RBM47: variants seen among roughly 807,000 people sequenced by gnomAD.
RBM47 encodes RNA-binding protein 47.
RBM47 carries 21 observed loss-of-function variants against 47.1 expected under a neutral mutation model. That is an observed-to-expected ratio of 0.45 (90% CI 0.32 to 0.64). The LOEUF (loss-of-function observed/expected upper bound fraction) is 0.64. Among genes scored for constraint, RBM47 ranks in the 30% least tolerant of loss-of-function variants. The probability of loss-of-function intolerance (pLI) is 0.05; values close to 1 mark genes in which losing one functional copy is unlikely to be tolerated. For synonymous variants in RBM47, 375 were observed against 361.7 expected (o/e 1.04, Z -0.42); for missense variants, 708 against 870.9 (o/e 0.81, Z 2.35).
intron 2 of RBM47, among the ~76,000 whole-genome samples, chr4:40,478,054 T>C (rs1289998654): frequency 6.7e-6 from 1 of 149,408 alleles, no homozygotes; most frequent in African/African-American, 2.5e-5. Flanking sequence ...TTGCTCTTAT[T>C]ACCCAGGCTG....
At chr4:40,534,860 G>A (rs934440002) in intron 2 of RBM47, among the ~76,000 whole-genome samples, 12 of 151,788 alleles carry the variant, frequency 7.9e-5, no homozygotes, top group East Asian at 3.9e-4. Flanking sequence ...GCGTGAACCC[G>A]GGAGGCGGAG....
At chr4:40,578,225 T>TA (rs1459706032) in intron 1 of RBM47, among the ~76,000 whole-genome samples, 1 of 152,232 alleles carries the variant, frequency 6.6e-6, no homozygotes, top group Non-Finnish European at 1.5e-5. Context: ...CTTTAATCCT[T>TA]AAAGTAATCT....
chr4:40,588,959 A>G (rs1344149998), intron 1 of RBM47, among the ~76,000 whole-genome samples: 1 of 150,766 alleles, frequency 6.6e-6, no homozygotes, highest in Non-Finnish European at 1.5e-5. Flanking sequence ...GTTTTAGGGG[A>G]AAGAGGTTAG....
At chr4:40,428,954 C>T (rs766136732) in intron 6 of RBM47, among the ~76,000 whole-genome samples, 1 of 152,066 alleles carries the variant, frequency 6.6e-6, no homozygotes, top group East Asian at 1.9e-4. Context: ...TTCAGTTACC[C>T]GCGGTCAACT....
At chr4:40,446,782 A>T (rs1234093263) in intron 3 of RBM47, among the ~76,000 whole-genome samples, 2 of 149,184 alleles carry the variant, frequency 1.3e-5, no homozygotes, top group Non-Finnish European at 3.0e-5. Context: ...AATAAAACTT[A>T]AAAAAAAAAT....
chr4:40,530,854 C>T (rs1386890358), intron 2 of RBM47, among the ~76,000 whole-genome samples: 1 of 152,172 alleles, frequency 6.6e-6, no homozygotes, highest in Non-Finnish European at 1.5e-5. Flanking sequence ...CACCCTAGCA[C>T]CTTGGGAGGC....
At chr4:40,486,068 T>TA (rs1721034713) in intron 2 of RBM47, among the ~76,000 whole-genome samples, 6 of 38,926 alleles carry the variant, frequency 1.5e-4, no homozygotes, top group Admixed American at 3.7e-4. Context: ...AAACCCTGTT[T>TA]CAAAAAAAAA....
intron 2 of RBM47, among the ~76,000 whole-genome samples, chr4:40,527,279 C>A (rs1396565437): frequency 6.7e-6 from 1 of 149,528 alleles, no homozygotes; most frequent in Non-Finnish European, 1.5e-5. Flanking sequence ...TATGCCACCA[C>A]AACTGGCTAA....
intron 1 of RBM47, 102 bp from the exon 2 acceptor site, chr4:40,544,608 G>A (rs1033785436): frequency 6.6e-6 from 1 of 152,200 alleles, no homozygotes; most frequent in Non-Finnish European, 1.5e-5. Flanking sequence ...TGAGAAGAAG[G>A]AACATGGTGT....
intron 2 of RBM47, among the ~76,000 whole-genome samples, chr4:40,522,079 C>A (rs1726245367): frequency 6.6e-6 from 1 of 152,170 alleles, no homozygotes; most frequent in African/African-American, 2.4e-5. Flanking sequence ...AAATAACCAA[C>A]CATGATGTTA....
intron 1 of RBM47, among the ~76,000 whole-genome samples, chr4:40,616,874 C>CT (rs1300005872): frequency 0.03 from 3,370 of 111,606 alleles, 240 homozygotes; most frequent in African/African-American, 0.1. Flanking sequence ...ATTTTCTTTT[C>CT]TTTTTTTTTT....
At chr4:40,516,088 A>G (rs1226947621) in intron 2 of RBM47, 11 of 151,748 alleles carry the variant, frequency 7.2e-5, no homozygotes, top group Admixed American at 6.6e-4. Flanking sequence ...TGCTTTCACA[A>G]CATTTCTCGT....
intron 1 of RBM47, among the ~76,000 whole-genome samples, chr4:40,602,371 C>G (rs975392946): frequency 6.6e-6 from 1 of 152,028 alleles, no homozygotes; most frequent in Admixed American, 6.6e-5. Flanking sequence ...GAATATCGGC[C>G]GGGCGCGGTC....
At position 40,467,928 on chromosome 4, in the gene RBM47, GCTAT is replaced by G. The variant is rs758029614; in HGVS notation, c.-154-1233_-154-1230del. On this transcript the variant is annotated intron_variant, in intron 2 of 6. Coordinates refer to ENST00000295971, the MANE Select transcript of RBM47 (RefSeq NM_001098634.2). ...TGGGAACCAGAAGGCTAGTTTTAAG[GCTAT>G]CTCTGTCATGCCCAGTTCATTTCAC... Among the ~76,000 whole-genome samples the G allele has an allele frequency of 2.1e-4, 32 of 152,228 alleles. No homozygotes were observed. In the East Asian group the frequency reaches 4.4e-3, roughly 21 times the overall value.
intron 3 of RBM47, among the ~76,000 whole-genome samples, chr4:40,439,823 G>T (rs1713346476): frequency 6.6e-6 from 1 of 152,200 alleles, no homozygotes; most frequent in South Asian, 2.1e-4. Flanking sequence ...AGGCAGACTT[G>T]ATTCCAAGTT....
At position 40,476,649 on chromosome 4, in the gene RBM47, G is replaced by A. The variant is rs144756037; in HGVS notation, c.-154-9950C>T. 5.9e-5 allele frequency among the ~76,000 whole-genome samples: 9 copies of A among 152,182 alleles called. No homozygotes were observed. In the East Asian group the frequency reaches 1.4e-3, roughly 23 times the overall value. ...GGCAGTTATGGGATGGAACCTCATC[G>A]AAAGTCTCTCTGGAGGCTGAGTTTG... On this transcript the variant is annotated intron_variant, in intron 2 of 6. Coordinates refer to ENST00000295971, the MANE Select transcript of RBM47 (RefSeq NM_001098634.2).
At chr4:40,594,275 T>G (rs1469506177) in intron 1 of RBM47, among the ~76,000 whole-genome samples, 1 of 152,204 alleles carries the variant, frequency 6.6e-6, no homozygotes, top group African/African-American at 2.4e-5. Flanking sequence ...CATTGCACAC[T>G]GCTTCTCAGA....
intron 3 of RBM47, among the ~76,000 whole-genome samples, chr4:40,457,808 T>C (rs1374883122): frequency 6.6e-6 from 1 of 152,204 alleles, no homozygotes; most frequent in African/African-American, 2.4e-5. Flanking sequence ...AAAATTTTCT[T>C]AAATTTATGC....
intron 1 of RBM47, among the ~76,000 whole-genome samples, chr4:40,568,518 C>T (rs1363860039): frequency 2.0e-5 from 3 of 149,424 alleles, no homozygotes; most frequent in African/African-American, 7.4e-5. Flanking sequence ...AATTTTTTTC[C>T]GAATTGACAT....
Sources: gnomAD v4.1 joint callset for allele counts (sites outside exome capture counted in the v4.1 genomes callset) on GRCh38, gnomAD v4.1.1 for gene constraint, MANE v1.5 for transcripts, NCBI Gene and HGNC (gene_info 2026-07-23, HGNC 2026-07-21) for gene names.